Variants in SLC45A2 observed in about 807,000 individuals in gnomAD.
The protein encoded by SLC45A2 is solute carrier family 45 member 2.
A neutral mutation model predicts 45.5 loss-of-function variants in SLC45A2; 36 were observed. That is an observed-to-expected ratio of 0.79 (90% confidence interval 0.61 to 1.04). The LOEUF (loss-of-function observed/expected upper bound fraction) is 1.04. Ranked by LOEUF, SLC45A2 falls within the 50% of genes least tolerant of loss-of-function variation. The pLI is 0.00. For missense variants in SLC45A2, 719 were observed against 671.0 expected, an observed-to-expected ratio of 1.07 and a Z score of -0.79; for synonymous variants, 306 against 269.3, an observed-to-expected ratio of 1.14 and a Z score of -1.33.
intron 4 of SLC45A2, among the ~76,000 whole-genome samples, chr5:33,952,564 A>T (rs1752142218): frequency 6.6e-6 from 1 of 151,932 alleles, no homozygotes; most frequent in Non-Finnish European, 1.5e-5. Flanking sequence ...TATGTGTGTG[A>T]TATAATGTGG....
chr5:33,957,694 G>A (rs551335633), intron 3 of SLC45A2, among the ~76,000 whole-genome samples: 1 of 152,280 alleles, frequency 6.6e-6, no homozygotes, highest in African/African-American at 2.4e-5. Context: ...TGGTTTTCAT[G>A]CCTCCAACTA....
At chr5:33,959,220 A>G (rs1380697925) in intron 3 of SLC45A2, among the ~76,000 whole-genome samples, 1 of 152,088 alleles carries the variant, frequency 6.6e-6, no homozygotes, top group Non-Finnish European at 1.5e-5. Flanking sequence ...TTTTCTCCCA[A>G]AAAAAGATGG....
intron 5 of SLC45A2, among the ~76,000 whole-genome samples, chr5:33,948,385 C>T (rs1752000196): frequency 6.6e-6 from 1 of 152,248 alleles, no homozygotes; most frequent in Non-Finnish European, 1.5e-5. Flanking sequence ...TTAATCCACA[C>T]ATTCCTCATC....
chr5:33,946,080 CA>C (rs1751916842), intron 6 of SLC45A2: 2 of 985,288 alleles, frequency 2.0e-6, no homozygotes, highest in Admixed American at 1.2e-4. Flanking sequence ...CCCAGTGTAA[CA>C]CAGCTTCCAA....
chr5:33,954,840 C>T (rs1752229326), intron 3 of SLC45A2, among the ~76,000 whole-genome samples: 1 of 152,152 alleles, frequency 6.6e-6, no homozygotes, highest in African/African-American at 2.4e-5. Context: ...AGCTCACAGA[C>T]ATAAGCCAGC....
intron 5 of SLC45A2, among the ~76,000 whole-genome samples, chr5:33,947,937 T>C (rs1231056502): frequency 6.6e-6 from 1 of 152,250 alleles, no homozygotes; most frequent in African/African-American, 2.4e-5. Flanking sequence ...ACACCTTCCC[T>C]GACTTGCCAA....
At chr5:33,982,551 A>T (rs1753109961) in intron 1 of SLC45A2, 139 bp from the exon 2 acceptor site, 2 of 844,098 alleles carry the variant, frequency 2.4e-6, no homozygotes, top group Non-Finnish European at 3.7e-6. Flanking sequence ...ATAGCTTTAC[A>T]TTTTTTTTCA....
At chr5:33,948,280 A>T (rs1004694545) in intron 5 of SLC45A2, among the ~76,000 whole-genome samples, 2 of 152,220 alleles carry the variant, frequency 1.3e-5, no homozygotes, top group Admixed American at 6.5e-5. Flanking sequence ...CTAATTTTTA[A>T]AAATGAAAAA....
intron 5 of SLC45A2, among the ~76,000 whole-genome samples, chr5:33,950,729 C>T (rs1752072552): frequency 6.6e-6 from 1 of 152,254 alleles, no homozygotes; most frequent in South Asian, 2.1e-4. Flanking sequence ...GTCCCCTGGA[C>T]CTGTCCAAAG....
intron 3 of SLC45A2, among the ~76,000 whole-genome samples, chr5:33,961,220 T>G (rs537353839): frequency 4.2e-4 from 64 of 152,290 alleles, no homozygotes; most frequent in African/African-American, 1.5e-3. Flanking sequence ...TTCCCTGTAG[T>G]CAGCAGCTGG....
Position 33,968,743 on chromosome 5 carries a change from C to T in SLC45A2, c.563-4727G>A, listed in dbSNP as rs148982991. Among the ~76,000 whole-genome samples the T allele has an allele frequency of 1.6e-3, 247 of 152,342 alleles. 3 individuals are homozygous for T. In the East Asian group the frequency reaches 0.036, roughly 22 times the overall value. On this transcript the variant is annotated intron_variant, in intron 2 of 6. Coordinates refer to ENST00000296589, the MANE Select transcript of SLC45A2 (RefSeq NM_016180.5). Reference sequence around the variant, plus strand: ...CAAGAGAGTCCATCTAAATCAAACTCTGCACCTACCATCTGCCTGTAATTG... The same window carrying T: ...CAAGAGAGTCCATCTAAATCAAACTTTGCACCTACCATCTGCCTGTAATTG...
chr5:33,957,430 T>C (rs1248579517), intron 3 of SLC45A2, among the ~76,000 whole-genome samples: 1 of 152,178 alleles, frequency 6.6e-6, no homozygotes, highest in East Asian at 1.9e-4. Context: ...TTAATTTTGT[T>C]GTGTAAGTTG....
Position 33,984,325 on chromosome 5 carries a change from CG to C in SLC45A2, c.258del (p.Val87TrpfsTer26). The C allele has an allele frequency of 1.9e-6, 3 of 1,614,118 alleles. No homozygotes were observed. The highest frequency in any genetic ancestry group is 2.5e-6 in the Non-Finnish European group (3 of 1,180,022). ...CAGTGGTCGCTGGCCGATCCGACCACGGGCTGCAGCAGGAATCCCAGGATGG... is the reference window on the plus strand; with the variant it reads ...CAGTGGTCGCTGGCCGATCCGACCACGGCTGCAGCAGGAATCCCAGGATGG... ...LSPILGFLLQ[P>X]VVGSASDHCR... On this transcript the variant is annotated frameshift_variant, in exon 1 of 7. Coordinates refer to ENST00000296589, the MANE Select transcript of SLC45A2 (RefSeq NM_016180.5). LOFTEE classifies it high-confidence loss of function.
intron 1 of SLC45A2, 62 bp downstream of exon 1, chr5:33,984,137 T>G: frequency 1.2e-6 from 2 of 1,605,702 alleles, no homozygotes; most frequent in Non-Finnish European, 1.7e-6. Context: ...AACATCCTCC[T>G]CCTGCAGAGG....
intron 4 of SLC45A2, 90 bp downstream of exon 4, chr5:33,954,271 A>T (rs945447686): frequency 1.3e-6 from 2 of 1,565,948 alleles, no homozygotes; most frequent in Non-Finnish European, 1.8e-6. Flanking sequence ...TACTGTGCCA[A>T]TCTTAGAGGA....
At chr5:33,982,599 C>A (rs924181988) in intron 1 of SLC45A2, among the ~76,000 whole-genome samples, 187 bp from the exon 2 acceptor site, 1 of 151,958 alleles carries the variant, frequency 6.6e-6, no homozygotes, top group Non-Finnish European at 1.5e-5. Context: ...CCAGAAAACA[C>A]AAATCTATGG....
intron 4 of SLC45A2, among the ~76,000 whole-genome samples, chr5:33,952,841 C>A (rs1246295546): frequency 1.8e-5 from 2 of 108,356 alleles, no homozygotes; most frequent in African/African-American, 3.6e-5. Flanking sequence ...TATCCCTCCC[C>A]CCTCCCCCGA....
chr5:33,944,936 G>A, intron 6 of SLC45A2, 64 bp from the exon 7 acceptor site: 1 of 1,521,546 alleles, frequency 6.6e-7, no homozygotes, highest in Admixed American at 1.9e-5. Context: ...GCACAGGTCA[G>A]CAAAATTTTT....
At chr5:33,949,117 T>C (rs937564266) in intron 5 of SLC45A2, among the ~76,000 whole-genome samples, 2 of 152,252 alleles carry the variant, frequency 1.3e-5, no homozygotes, top group African/African-American at 2.4e-5. Context: ...GTTGTTCTAA[T>C]TGGTATACCT....
Sources: allele counts gnomAD v4.1 joint callset (sites outside exome capture counted in the v4.1 genomes callset), GRCh38; gene constraint gnomAD v4.1.1; transcripts MANE v1.5; gene names NCBI Gene and HGNC (gene_info 2026-07-23, HGNC 2026-07-21).